The following PCSK5 variants were observed in gnomAD, a reference collection of about 807,000 sequenced individuals.
PCSK5 encodes prohormone convertase 5.
PCSK5 carries 129 observed loss-of-function variants against 233.2 expected under a neutral mutation model. That is an observed-to-expected ratio of 0.55 (90% confidence interval 0.48 to 0.64). The LOEUF (loss-of-function observed/expected upper bound fraction) is 0.64, where lower values mean the gene tolerates loss of function less well. Ranked by LOEUF, PCSK5 falls within the 30% of genes least tolerant of loss-of-function variation. The probability of loss-of-function intolerance (pLI) is 0.00; values close to 1 mark genes in which losing one functional copy is unlikely to be tolerated. For missense variants in PCSK5, 2,076 were observed against 2,430.1 expected (o/e 0.85, Z 3.06); for synonymous variants, 825 against 879.2 (o/e 0.94, Z 1.09).
chr9:76,040,922 A>C (rs1016994328), intron 5 of PCSK5, among the ~76,000 whole-genome samples: 8 of 152,178 alleles, frequency 5.3e-5, no homozygotes, highest in Non-Finnish European at 4.4e-5. Context: ...GTAGAAATTT[A>C]GTATTGATCC....
intron 5 of PCSK5, among the ~76,000 whole-genome samples, chr9:76,055,113 T>A (rs1358773678): frequency 6.6e-6 from 1 of 152,152 alleles, no homozygotes; most frequent in Non-Finnish European, 1.5e-5. Context: ...GGATTCAGAA[T>A]CTCTATTGCT....
intron 1 of PCSK5, among the ~76,000 whole-genome samples, chr9:75,903,993 A>G (rs80133011): frequency 7.2e-4 from 109 of 152,316 alleles, no homozygotes; most frequent in African/African-American, 2.4e-3. Context: ...ACAAAATTGT[A>G]GGCCACTTAG....
chr9:76,027,534 G>A (rs1249365151), intron 5 of PCSK5, among the ~76,000 whole-genome samples: 2 of 152,010 alleles, frequency 1.3e-5, no homozygotes, highest in African/African-American at 4.8e-5. Flanking sequence ...ATTGCCAACT[G>A]AAGAAGGCAT....
intron 5 of PCSK5, among the ~76,000 whole-genome samples, chr9:76,065,044 TATTC>T (rs1325681397): frequency 6.6e-6 from 1 of 152,248 alleles, no homozygotes; most frequent in Non-Finnish European, 1.5e-5. Context: ...CACATTTTCT[TATTC>T]ATTCATCTGT....
rs540740697 is a variant in PCSK5 at position 76,044,570 on chromosome 9, A to G, written c.632+17533A>G. 6.6e-5 allele frequency among the ~76,000 whole-genome samples: 10 copies of G among 152,338 alleles called. No homozygotes were observed. In the South Asian group the frequency reaches 2.1e-3, roughly 32 times the overall value. ...CTACCAGCAGTTTTCTGTGAGCATT[A>G]CAGATCATGCATTCTGAATGTTTGG... On this transcript the variant is annotated intron_variant, in intron 5 of 37. Coordinates refer to ENST00000674117, the MANE Select transcript of PCSK5 (RefSeq NM_001372043.1).
intron 35 of PCSK5, among the ~76,000 whole-genome samples, chr9:76,349,780 A>T (rs1830071750): frequency 6.6e-6 from 1 of 152,244 alleles, no homozygotes; most frequent in African/African-American, 2.4e-5. Context: ...ACTTCCTAAC[A>T]GAATGAGATA....
chr9:76,220,099 C>G (rs1825676089), intron 20 of PCSK5, among the ~76,000 whole-genome samples: 1 of 152,182 alleles, frequency 6.6e-6, no homozygotes, highest in South Asian at 2.1e-4. Flanking sequence ...AATAAAGAGA[C>G]TGTCAAGAAG....
chr9:76,120,576 T>A (rs1832593790), intron 9 of PCSK5, among the ~76,000 whole-genome samples: 1 of 152,062 alleles, frequency 6.6e-6, no homozygotes, highest in Non-Finnish European at 1.5e-5. Flanking sequence ...GCTATTACCA[T>A]TATGTCTTTA....
chr9:76,088,547 A>G (rs900286453), intron 7 of PCSK5, among the ~76,000 whole-genome samples: 2 of 152,208 alleles, frequency 1.3e-5, no homozygotes, highest in Non-Finnish European at 1.5e-5. Flanking sequence ...AAAACATCTC[A>G]TATTGTCTCA....
At position 76,292,218 on chromosome 9, in the gene PCSK5, ATT is replaced by A. The variant is rs3077145; in HGVS notation, c.3143-6_3143-5del. 86 of 1,404,728 alleles carry A rather than the reference ATT, an allele frequency of 6.1e-5. No individual in the cohort carries two copies. The highest frequency in any genetic ancestry group is 7.1e-5 in the Non-Finnish European group (71 of 1,006,712). The allele number at this position is 1,404,728 out of a possible 1,614,324, so 87.0% of individuals were successfully genotyped here. ...TTCCTCATGATTATTACTTTTTATT[ATT>A]TTTTTTTTCCAGATGATCCAGGAAC... On this transcript the variant is annotated splice_polypyrimidine_tract_variant and intron_variant, in intron 24 of 37. Transcript: ENST00000674117.
At chr9:76,006,479 T>C (rs908465696) in intron 3 of PCSK5, among the ~76,000 whole-genome samples, 2 of 152,196 alleles carry the variant, frequency 1.3e-5, no homozygotes, top group African/African-American at 4.8e-5. Context: ...TTCCTTCACT[T>C]GATCTATATT....
At chr9:76,257,104 T>C (rs1827008126) in intron 24 of PCSK5, among the ~76,000 whole-genome samples, 1 of 152,220 alleles carries the variant, frequency 6.6e-6, no homozygotes, top group Non-Finnish European at 1.5e-5. Flanking sequence ...TGAAGCCACA[T>C]GTCTGACATG....
At chr9:76,215,733 G>A (rs976306845) in intron 20 of PCSK5, among the ~76,000 whole-genome samples, 6 of 152,100 alleles carry the variant, frequency 3.9e-5, no homozygotes, top group African/African-American at 9.7e-5. Flanking sequence ...CTGGGGTCAG[G>A]AGTGCAAGAC....
chr9:75,891,564 C>T (rs1415905718), intron 1 of PCSK5, among the ~76,000 whole-genome samples, 191 bp downstream of exon 1: 1 of 144,370 alleles, frequency 6.9e-6, no homozygotes, highest in Admixed American at 6.9e-5. Context: ...CACACACACA[C>T]CCCAGAGTTG....
At chr9:76,187,780 C>T (rs1372335388) in intron 17 of PCSK5, among the ~76,000 whole-genome samples, 1 of 152,148 alleles carries the variant, frequency 6.6e-6, no homozygotes, top group African/African-American at 2.4e-5. Flanking sequence ...TCTCATTTGA[C>T]ATTCTGACAA....
chr9:76,068,974 G>A (rs981729143), intron 6 of PCSK5, among the ~76,000 whole-genome samples: 1 of 152,088 alleles, frequency 6.6e-6, no homozygotes, highest in African/African-American at 2.4e-5. Flanking sequence ...TAAATATAGA[G>A]ATTCCCTAAC....
At chr9:76,351,513 AAAGAAAGAAAGAAAGAAAGGAAGG>A (rs1564196864) in intron 36 of PCSK5, among the ~76,000 whole-genome samples, 2 of 119,758 alleles carry the variant, frequency 1.7e-5, no homozygotes, top group African/African-American at 3.0e-5. Flanking sequence ...AGAAAGAAAG[AAAGAAAGAAAGAAAGAAAGGAAGG>A]AAAGAAAGAG....
chr9:76,003,117 T>C (rs1827330024), intron 3 of PCSK5, among the ~76,000 whole-genome samples: 1 of 152,220 alleles, frequency 6.6e-6, no homozygotes, highest in African/African-American at 2.4e-5. Context: ...AGCAAGAGTC[T>C]ACAGAGGACT....
chr9:76,035,787 T>C (rs1315393781), intron 5 of PCSK5, among the ~76,000 whole-genome samples: 2 of 152,196 alleles, frequency 1.3e-5, no homozygotes, highest in Non-Finnish European at 2.9e-5. Context: ...TGCATCCTTA[T>C]ATTTTCTTGT....
Sources: allele counts gnomAD v4.1 joint callset (sites outside exome capture counted in the v4.1 genomes callset), GRCh38; gene constraint gnomAD v4.1.1; transcripts MANE v1.5; gene names NCBI Gene and HGNC (gene_info 2026-07-23, HGNC 2026-07-21).